The following RIT2 variants were observed in gnomAD, a reference collection of about 807,000 sequenced individuals.
RIT2 encodes the protein GTP-binding protein Rit2.
Under a neutral mutation model 23.7 loss-of-function variants are expected in RIT2, and 24 were observed. The observed-to-expected ratio is 1.01, with a 90% CI of 0.73 to 1.43. RIT2 has a LOEUF of 1.43. Among genes scored for constraint, RIT2 ranks in the 40% most tolerant of loss-of-function variants. The pLI is 0.00. For missense variants in RIT2, 236 were observed against 266.9 expected (o/e 0.88, Z 0.81); for synonymous variants, 107 against 91.1 (o/e 1.17, Z -0.99).
chr18:43,062,447 A>G (rs368592664), intron 1 of RIT2, among the ~76,000 whole-genome samples: 1 of 152,256 alleles, frequency 6.6e-6, no homozygotes, highest in East Asian at 1.9e-4. Flanking sequence ...AGTAGCTGAA[A>G]AGATTTTGAT....
At chr18:42,898,861 A>C (rs1481670606) in intron 4 of RIT2, among the ~76,000 whole-genome samples, 1 of 152,162 alleles carries the variant, frequency 6.6e-6, no homozygotes, top group East Asian at 1.9e-4. Context: ...AATTAGATTC[A>C]AGTTATACTT....
chr18:42,957,691 G>A (rs1447242058), intron 3 of RIT2, among the ~76,000 whole-genome samples: 1 of 152,076 alleles, frequency 6.6e-6, no homozygotes. Context: ...GGGTGGGGCA[G>A]GAGAATCGCT....
intron 1 of RIT2, among the ~76,000 whole-genome samples, chr18:43,082,163 T>C (rs908185431): frequency 6.6e-6 from 1 of 152,212 alleles, no homozygotes; most frequent in East Asian, 1.9e-4. Flanking sequence ...TTCTTTGAGA[T>C]TTTCTTGTTT....
At chr18:42,751,076 A>C (rs1913035008) in intron 4 of RIT2, among the ~76,000 whole-genome samples, 1 of 151,860 alleles carries the variant, frequency 6.6e-6, no homozygotes, top group Non-Finnish European at 1.5e-5. Context: ...AACCTGGAAA[A>C]AGATCAACAT....
intron 1 of RIT2, among the ~76,000 whole-genome samples, chr18:43,054,007 G>T (rs1598763466): frequency 6.6e-6 from 1 of 152,000 alleles, no homozygotes; most frequent in South Asian, 2.1e-4. Flanking sequence ...ATAGCTAAAT[G>T]CTCCCAAGGC....
intron 4 of RIT2, among the ~76,000 whole-genome samples, chr18:42,872,025 G>A (rs1050141255): frequency 6.6e-6 from 1 of 152,082 alleles, no homozygotes; most frequent in African/African-American, 2.4e-5. Flanking sequence ...GGGGAGGAAA[G>A]TGAATATCCA....
At chr18:43,062,273 T>G (rs1912665857) in intron 1 of RIT2, among the ~76,000 whole-genome samples, 1 of 152,088 alleles carries the variant, frequency 6.6e-6, no homozygotes, top group Non-Finnish European at 1.5e-5. Context: ...ACGATTTCCT[T>G]AAAAAATTGA....
At position 42,958,656 on chromosome 18, in the gene RIT2, C is replaced by T. The variant is rs968864970; in HGVS notation, c.234+15418G>A. On this transcript the variant is annotated intron_variant, in intron 3 of 4. Coordinates refer to ENST00000326695, the MANE Select transcript of RIT2 (RefSeq NM_002930.4). ...CATGAAAAATACTAAAACGTCAGAC[C>T]ATGTCCAGACCAGCGATACTGCCAA... 2.6e-5 allele frequency among the ~76,000 whole-genome samples: 4 copies of T among 152,028 alleles called. No individual in the cohort carries two copies. In the East Asian group the frequency reaches 5.8e-4, roughly 22 times the overall value.
Position 42,814,413 on chromosome 18 carries a change from T to C in RIT2, c.427-70693A>G, listed in dbSNP as rs1422939241. 4.6e-5 allele frequency among the ~76,000 whole-genome samples: 7 copies of C among 152,156 alleles called. No homozygotes were observed. The East Asian group carries it at 5.8e-4, about 13-fold the overall frequency. On this transcript the variant is annotated intron_variant, in intron 4 of 4. Transcript: ENST00000326695. ...GAAGTGAGAACAGCCCTTTGGATTGTGTGGGAGCTAGGTGAAGCCTGTGAC... is the reference window on the plus strand; with the variant it reads ...GAAGTGAGAACAGCCCTTTGGATTGCGTGGGAGCTAGGTGAAGCCTGTGAC...
chr18:42,760,697 C>T (rs979309017), intron 4 of RIT2, among the ~76,000 whole-genome samples: 1 of 152,156 alleles, frequency 6.6e-6, no homozygotes, highest in Non-Finnish European at 1.5e-5. Flanking sequence ...ACTCAATGTC[C>T]TCATCTTAAA....
intron 4 of RIT2, among the ~76,000 whole-genome samples, chr18:42,849,202 C>T (rs936889392): frequency 1.3e-5 from 2 of 152,118 alleles, no homozygotes; most frequent in Non-Finnish European, 2.9e-5. Flanking sequence ...TATATACTGC[C>T]TTTGAATATG....
chr18:42,895,173 T>A (rs1024352853), intron 4 of RIT2, among the ~76,000 whole-genome samples: 6 of 152,160 alleles, frequency 3.9e-5, no homozygotes, highest in African/African-American at 1.4e-4. Context: ...TTTATCCTAG[T>A]AGTCTTTGTT....
intron 4 of RIT2, among the ~76,000 whole-genome samples, chr18:42,814,786 C>T (rs1238128463): frequency 6.6e-6 from 1 of 152,202 alleles, no homozygotes; most frequent in Admixed American, 6.5e-5. Context: ...CATTAAACCA[C>T]CAAAGCTAAG....
intron 4 of RIT2, among the ~76,000 whole-genome samples, chr18:42,858,295 T>G (rs16977066): frequency 6.6e-6 from 1 of 152,200 alleles, no homozygotes; most frequent in South Asian, 2.1e-4. Context: ...TCTGCACTTC[T>G]GTATGAATAC....
intron 4 of RIT2, among the ~76,000 whole-genome samples, chr18:42,831,901 T>C (rs1906468678): frequency 6.6e-6 from 1 of 152,190 alleles, no homozygotes; most frequent in African/African-American, 2.4e-5. Context: ...TTGCCTGCAA[T>C]GGCTGTGACC....
chr18:42,771,931 T>C (rs946810382), intron 4 of RIT2, among the ~76,000 whole-genome samples: 2 of 152,152 alleles, frequency 1.3e-5, no homozygotes, highest in African/African-American at 2.4e-5. Context: ...GATTTGCTGA[T>C]AGGACATTTA....
At chr18:43,018,540 A>T (rs1277739366) in intron 2 of RIT2, among the ~76,000 whole-genome samples, 2 of 152,054 alleles carry the variant, frequency 1.3e-5, no homozygotes, top group Non-Finnish European at 2.9e-5. Context: ...ATATCTAGGC[A>T]CATAGAAGGG....
At chr18:42,880,125 G>T (rs985265562) in intron 4 of RIT2, among the ~76,000 whole-genome samples, 7 of 151,998 alleles carry the variant, frequency 4.6e-5, no homozygotes, top group African/African-American at 1.7e-4. Context: ...CAATCTTTTT[G>T]TACCTGGGAG....
chr18:42,796,638 G>C (rs563149822), intron 4 of RIT2, among the ~76,000 whole-genome samples: 1 of 152,126 alleles, frequency 6.6e-6, no homozygotes, highest in African/African-American at 2.4e-5. Context: ...CCTCCACTGC[G>C]CTTCTTGGCT....
Sources: gnomAD v4.1 joint callset for allele counts (sites outside exome capture counted in the v4.1 genomes callset) on GRCh38, gnomAD v4.1.1 for gene constraint, MANE v1.5 for transcripts, NCBI Gene and HGNC (gene_info 2026-07-23, HGNC 2026-07-21) for gene names.